RFX7: variants seen among roughly 807,000 people sequenced by gnomAD.
RFX7 encodes DNA-binding protein RFX7.
In RFX7, 26 loss-of-function variants were observed where a neutral mutation model predicts 111.8. The ratio of observed to expected loss-of-function variants is 0.23; its 90% confidence interval spans 0.17 to 0.32. The LOEUF (loss-of-function observed/expected upper bound fraction) is 0.32, where lower values mean the gene tolerates loss of function less well. Among genes scored for constraint, RFX7 ranks in the 10% least tolerant of loss-of-function variants. The probability of loss-of-function intolerance (pLI) is 1.00; values close to 1 mark genes in which losing one functional copy is unlikely to be tolerated. For synonymous variants in RFX7, 624 were observed against 624.4 expected, an observed-to-expected ratio of 1.00 and a Z score of 0.01; for missense variants, 1,573 against 1,772.9, an observed-to-expected ratio of 0.89 and a Z score of 2.02.
intron 9 of RFX7, among the ~76,000 whole-genome samples, chr15:56,097,680 G>T (rs2140518450): frequency 7.2e-6 from 1 of 139,594 alleles, no homozygotes; most frequent in Admixed American, 7.7e-5. Context: ...TCAGGAGGTG[G>T]AGGTTGCAGT....
At chr15:56,101,174 T>A (rs1595923581) in intron 8 of RFX7, among the ~76,000 whole-genome samples, 185 bp downstream of exon 8, 1 of 152,174 alleles carries the variant, frequency 6.6e-6, no homozygotes, top group Non-Finnish European at 1.5e-5. Context: ...TTAAGCTTTA[T>A]AATGAAAGGA....
intron 3 of RFX7, among the ~76,000 whole-genome samples, chr15:56,165,115 TTGTGCTCCTATAAGAATCTAA>T (rs2042768081): frequency 2.0e-5 from 3 of 152,096 alleles, no homozygotes; most frequent in Admixed American, 2.0e-4. Context: ...ACAATAGGGT[TTGTGCTCCTATAAGAATCTAA>T]TGCCGCTGCT....
At chr15:56,231,414 G>GT (rs1166592420) in intron 2 of RFX7, among the ~76,000 whole-genome samples, 1 of 152,144 alleles carries the variant, frequency 6.6e-6, no homozygotes, top group Non-Finnish European at 1.5e-5. Flanking sequence ...CATGGTGGCA[G>GT]ACAAGAGAAG....
chr15:56,087,422 T>C lies in RFX7; in HGVS notation c.*5923A>G. The C allele has an allele frequency of 2.2e-6, 1 of 456,698 alleles. No individual in the cohort carries two copies. The highest frequency in any genetic ancestry group is 1.5e-5 in the South Asian group (1 of 64,572). The allele number at this position is 456,698 out of a possible 1,614,324, so 28.3% of individuals were successfully genotyped here. A position where few individuals can be genotyped will look rare whatever the true frequency, so the allele number is the denominator to read the frequency against. ...TCTTGTTGCTCAATCATCCTCAGCA[T>C]GTGTCTTTAACATGAAGTCCAGGAG... is the stretch of plus-strand genomic sequence containing the variant. On this transcript the variant is annotated 3_prime_UTR_variant, in exon 10 of 10. Coordinates refer to ENST00000559447, the MANE Select transcript of RFX7 (RefSeq NM_022841.7).
At chr15:56,116,732 G>A (rs955976952) in intron 5 of RFX7, among the ~76,000 whole-genome samples, 5 of 152,194 alleles carry the variant, frequency 3.3e-5, no homozygotes, top group African/African-American at 9.7e-5. Context: ...GATAATGTCC[G>A]TATGCAGAAG....
intron 2 of RFX7, among the ~76,000 whole-genome samples, chr15:56,234,128 C>T (rs745516595): frequency 1.2e-4 from 19 of 152,174 alleles, no homozygotes; most frequent in Non-Finnish European, 2.4e-4. Context: ...AATATTATGT[C>T]CTCACTGAAT....
At chr15:56,172,629 G>T (rs1296828340) in intron 3 of RFX7, among the ~76,000 whole-genome samples, 1 of 152,134 alleles carries the variant, frequency 6.6e-6, no homozygotes, top group Non-Finnish European at 1.5e-5. Flanking sequence ...TTAGGGACAA[G>T]AAATGTATTA....
chr15:56,162,685 G>C (rs2042735896), intron 3 of RFX7, among the ~76,000 whole-genome samples: 1 of 151,662 alleles, frequency 6.6e-6, no homozygotes, highest in Admixed American at 6.6e-5. Flanking sequence ...ACATACTAAA[G>C]GAGGATACAA....
intron 5 of RFX7, among the ~76,000 whole-genome samples, chr15:56,112,379 C>CAA (rs71110374): frequency 1.1e-3 from 79 of 71,726 alleles, no homozygotes; most frequent in Non-Finnish European, 1.5e-3. Flanking sequence ...GAGTACAAAT[C>CAA]AAAAAAAAAA....
intron 3 of RFX7, among the ~76,000 whole-genome samples, chr15:56,155,004 C>T (rs1386180656): frequency 6.6e-6 from 1 of 152,166 alleles, no homozygotes; most frequent in African/African-American, 2.4e-5. Context: ...GACATTTATG[C>T]AGCCAACAGA....
At chr15:56,117,076 C>G (rs2042018741) in intron 5 of RFX7, among the ~76,000 whole-genome samples, 1 of 152,080 alleles carries the variant, frequency 6.6e-6, no homozygotes, top group Non-Finnish European at 1.5e-5. Flanking sequence ...TGTTTAGTTT[C>G]TGAATCTGGA....
rs998036213 is a variant in RFX7 at position 56,092,806 on chromosome 15, G to T, written c.*539C>A. 6.6e-6 allele frequency: 1 copy of T among 152,384 alleles called. No individual in the cohort carries two copies. Among genetic ancestry groups the T allele is most frequent in the Admixed American group, 6.6e-5 (1 of 15,242 alleles). 9.4% of individuals were successfully genotyped at this position (152,384 alleles called of 1,614,324 possible). A position where few individuals can be genotyped will look rare whatever the true frequency, so the allele number is the denominator to read the frequency against. ...AAGCCCTTCATCGTGGGTGTAAATG[G>T]TACTGAAGCCCCAGAAAGTCCTACA... is the stretch of plus-strand genomic sequence containing the variant. On this transcript the variant is annotated 3_prime_UTR_variant, in exon 10 of 10. Coordinates refer to ENST00000559447, the MANE Select transcript of RFX7 (RefSeq NM_022841.7).
intron 5 of RFX7, among the ~76,000 whole-genome samples, chr15:56,105,086 A>G (rs542095449): frequency 1.3e-5 from 2 of 152,306 alleles, no homozygotes; most frequent in Non-Finnish European, 2.9e-5. Context: ...AAACCGGCAC[A>G]AAAAGAAAAT....
rs115412779 is a variant in RFX7 at position 56,242,723 on chromosome 15, G to A, written c.161+402C>T. 7.8e-4 allele frequency among the ~76,000 whole-genome samples: 118 copies of A among 152,248 alleles called. 1 individual carries two copies. Among genetic ancestry groups the A allele is most frequent in the African/African-American group, 2.8e-3 (116 of 41,542 alleles). On this transcript the variant is annotated intron_variant, in intron 2 of 9. Transcript: ENST00000559447. ...TTCTTACGCACAGTATCTGTTTGGT[G>A]AAAATTCACAATACACTTCTTCCTC...
intron 5 of RFX7, among the ~76,000 whole-genome samples, chr15:56,140,383 G>A (rs1168357134): frequency 6.6e-6 from 1 of 152,190 alleles, no homozygotes; most frequent in Non-Finnish European, 1.5e-5. Context: ...GATTTTCCAG[G>A]TGCCGTCCGT....
At chr15:56,121,704 C>T (rs1416911401) in intron 5 of RFX7, among the ~76,000 whole-genome samples, 3 of 151,926 alleles carry the variant, frequency 2.0e-5, no homozygotes, top group South Asian at 2.1e-4. Flanking sequence ...TGTAGGTGTG[C>T]TTCATTCTTT....
At chr15:56,241,920 A>C (rs559599248) in intron 2 of RFX7, among the ~76,000 whole-genome samples, 1 of 152,268 alleles carries the variant, frequency 6.6e-6, no homozygotes, top group Non-Finnish European at 1.5e-5. Flanking sequence ...TCATATCAGC[A>C]TCATGACGGC....
rs1388207966 is a variant in RFX7 at position 56,243,242 on chromosome 15, G to T, written c.44C>A (p.Ala15Asp). Reference sequence around the variant, plus strand: ...GGCGCTGGGGGGAAGCTGCTGATGGGCATCAGGCTGCTGTGGTGGCGGCTG... The same window carrying T: ...GGCGCTGGGGGGAAGCTGCTGATGGTCATCAGGCTGCTGTGGTGGCGGCTG... ...QQQPPPQQPD[A>D]HQQLPPSAPN... Residue 15 changes from alanine to aspartate, a missense_variant, in exon 2 of 10, where the codon GCC (alanine) becomes GAC (aspartate). Ala to Asp is a moderately radical substitution (Grantham distance 126). Coordinates refer to ENST00000559447, the MANE Select transcript of RFX7 (RefSeq NM_022841.7). The T allele has an allele frequency of 3.8e-6, 5 of 1,306,770 alleles. No individual in the cohort carries two copies. The highest frequency in any genetic ancestry group is 4.0e-6 in the Non-Finnish European group (4 of 993,080). The allele number at this position is 1,306,770 out of a possible 1,614,324, so 80.9% of individuals were successfully genotyped here. A position where few individuals can be genotyped will look rare whatever the true frequency, so the allele number is the denominator to read the frequency against.
intron 2 of RFX7, among the ~76,000 whole-genome samples, chr15:56,217,055 A>T (rs1374825758): frequency 6.6e-6 from 1 of 152,218 alleles, no homozygotes; most frequent in East Asian, 1.9e-4. Flanking sequence ...AAAAATTAGA[A>T]AGAATAGTAC....
Sources: allele counts gnomAD v4.1 joint callset (sites outside exome capture counted in the v4.1 genomes callset), GRCh38; gene constraint gnomAD v4.1.1; transcripts MANE v1.5; gene names NCBI Gene and HGNC (gene_info 2026-07-23, HGNC 2026-07-21).